The following ADAMTSL1 variants were observed in gnomAD, a reference collection of about 807,000 sequenced individuals.
ADAMTSL1 encodes the protein ADAMTS like 1.
Under a neutral mutation model 201.8 loss-of-function variants are expected in ADAMTSL1, and 126 were observed. That is an observed-to-expected ratio of 0.62 (90% CI 0.54 to 0.72). The LOEUF is 0.72. Among genes scored for constraint, ADAMTSL1 ranks in the 30% least tolerant of loss-of-function variants. ADAMTSL1 has a pLI of 0.00. For synonymous variants in ADAMTSL1, 1,121 were observed against 903.4 expected (o/e 1.24, Z -4.32); for missense variants, 2,679 against 2,277.8 (o/e 1.18, Z -3.59).
At chr9:18,678,294 T>A (rs991170543) in intron 10 of ADAMTSL1, among the ~76,000 whole-genome samples, 5 of 152,126 alleles carry the variant, frequency 3.3e-5, no homozygotes, top group African/African-American at 1.2e-4. Context: ...TGTCTTTTTT[T>A]TATTCCAAGC....
chr9:18,139,917 G>C lies in ADAMTSL1; in HGVS notation c.88-23945G>C, dbSNP rs1826325370. 2.0e-5 allele frequency among the ~76,000 whole-genome samples: 3 copies of C among 152,070 alleles called. No individual in the cohort carries two copies. In the South Asian group the frequency reaches 6.2e-4, roughly 32 times the overall value. ...AAGCTCATATCCTCCTCTGTCTCCA[G>C]AGACTGATGAAATTTTTAGGTTCTG... On this transcript the variant is annotated intron_variant, in intron 1 of 29. Transcript: ENST00000680146.
chr9:18,270,014 A>G (rs959335523), intron 2 of ADAMTSL1, among the ~76,000 whole-genome samples: 2 of 152,148 alleles, frequency 1.3e-5, no homozygotes, highest in Non-Finnish European at 1.5e-5. Flanking sequence ...ACTCCTTCCC[A>G]TAATAGGCCA....
At chr9:18,681,714 G>GGGGGGGA (rs1564146020) in intron 11 of ADAMTSL1, 98 bp from the exon 12 acceptor site, 7 of 884,488 alleles carry the variant, frequency 7.9e-6, no homozygotes, top group African/African-American at 3.3e-5. Flanking sequence ...GGGGGGCGGG[G>GGGGGGGA]AAAAAGAAAA....
Position 18,326,134 on chromosome 9 carries a change from C to A in ADAMTSL1, c.207+162153C>A, listed in dbSNP as rs1027197597. On this transcript the variant is annotated intron_variant, in intron 2 of 29. Coordinates refer to the ADAMTSL1 transcript ENST00000680146. The stretch of plus-strand genomic sequence containing the variant: ...CCTCTTAATGCTGTCATAGTAGGAA[C>A]AACTGAATTTTGGAGAGGATCAAGT... Among the ~76,000 whole-genome samples the A allele has an allele frequency of 3.3e-5, 5 of 152,152 alleles. No individual in the cohort carries two copies. The East Asian group carries it at 9.6e-4, about 29-fold the overall frequency.
At chr9:18,875,430 C>G (rs974009682) in intron 23 of ADAMTSL1, among the ~76,000 whole-genome samples, 2 of 152,098 alleles carry the variant, frequency 1.3e-5, no homozygotes, top group African/African-American at 4.8e-5. Context: ...TGCTGTATCA[C>G]AGAGGTTTTG....
At chr9:18,718,552 A>C (rs896081182) in intron 14 of ADAMTSL1, 1 of 487,644 alleles carries the variant, frequency 2.1e-6, no homozygotes, top group Non-Finnish European at 4.1e-6. Flanking sequence ...GAAACCTAGT[A>C]CCTCTCACGC....
rs534358899 is a variant in ADAMTSL1, at chr9:18,592,311, G to T, written c.474+18045G>T. Among the ~76,000 whole-genome samples, 82 of 152,142 alleles carry T rather than the reference G, an allele frequency of 5.4e-4. 2 individuals are homozygous for T. The South Asian group carries it at 0.016, about 29-fold the overall frequency. On this transcript the variant is annotated intron_variant, in intron 4 of 28. Coordinates refer to ENST00000380548, the MANE Select transcript of ADAMTSL1 (RefSeq NM_001040272.6). ...ACACATCACAATCCAATCAAGAAAT[G>T]GTTCCTTGTTGTCGCACAGAATAAG... is the stretch of plus-strand genomic sequence containing the variant.
At chr9:18,388,379 T>G (rs1385427013) in intron 2 of ADAMTSL1, among the ~76,000 whole-genome samples, 1 of 152,096 alleles carries the variant, frequency 6.6e-6, no homozygotes, top group Non-Finnish European at 1.5e-5. Context: ...GTTCAAGCAA[T>G]TCTTCCACCT....
chr9:18,186,199 T>A (rs1587261920), intron 2 of ADAMTSL1, among the ~76,000 whole-genome samples: 1 of 152,192 alleles, frequency 6.6e-6, no homozygotes, highest in East Asian at 1.9e-4. Flanking sequence ...GACCATAGGC[T>A]GGTTTTTCCT....
intron 2 of ADAMTSL1, among the ~76,000 whole-genome samples, chr9:18,289,679 G>A (rs952386840): frequency 6.6e-5 from 10 of 152,194 alleles, no homozygotes; most frequent in African/African-American, 2.4e-4. Context: ...TCATGTTGAG[G>A]AGGAAAGGAT....
intron 2 of ADAMTSL1, among the ~76,000 whole-genome samples, chr9:18,236,051 C>T (rs1470675821): frequency 6.6e-6 from 1 of 152,070 alleles, no homozygotes; most frequent in Non-Finnish European, 1.5e-5. Flanking sequence ...TTTGAAGACC[C>T]ATAATGATTG....
chr9:18,283,470 A>C (rs1246779801), intron 2 of ADAMTSL1, among the ~76,000 whole-genome samples: 1 of 151,726 alleles, frequency 6.6e-6, no homozygotes, highest in Non-Finnish European at 1.5e-5. Flanking sequence ...ACTGAGTATG[A>C]TGGTACACAC....
intron 23 of ADAMTSL1, among the ~76,000 whole-genome samples, chr9:18,850,049 A>T (rs1245972753): frequency 1.3e-5 from 2 of 152,256 alleles, no homozygotes; most frequent in African/African-American, 4.8e-5. Flanking sequence ...GACACTTAAA[A>T]TAGTTGGACA....
At chr9:18,242,766 A>T (rs1033991139) in intron 2 of ADAMTSL1, among the ~76,000 whole-genome samples, 7 of 152,136 alleles carry the variant, frequency 4.6e-5, no homozygotes, top group Non-Finnish European at 7.4e-5. Context: ...ATAGTTTTTT[A>T]AAAAATTAGG....
At chr9:18,812,034 T>C (rs1823537568) in intron 20 of ADAMTSL1, among the ~76,000 whole-genome samples, 1 of 152,202 alleles carries the variant, frequency 6.6e-6, no homozygotes, top group South Asian at 2.1e-4. Flanking sequence ...TCTTTCCTAA[T>C]ATACATGTTT....
chr9:18,125,202 C>T (rs550213677), intron 1 of ADAMTSL1, among the ~76,000 whole-genome samples: 11 of 152,106 alleles, frequency 7.2e-5, no homozygotes, highest in African/African-American at 1.9e-4. Context: ...AGGAGCAAGT[C>T]GCCTCTTACA....
chr9:18,476,856 T>G (rs1458789662), intron 1 of ADAMTSL1, among the ~76,000 whole-genome samples: 4 of 152,166 alleles, frequency 2.6e-5, no homozygotes, highest in Admixed American at 2.0e-4. Flanking sequence ...ATCTGTATCA[T>G]GACTAGGTTC....
At chr9:18,261,073 A>T (rs1831903400) in intron 2 of ADAMTSL1, among the ~76,000 whole-genome samples, 1 of 90,888 alleles carries the variant, frequency 1.1e-5, no homozygotes, top group Non-Finnish European at 2.0e-5. Flanking sequence ...AAATGGGGGA[A>T]AGTGTGGGGC....
At chr9:18,054,254 T>A (rs566179495) in intron 1 of ADAMTSL1, among the ~76,000 whole-genome samples, 17 of 152,314 alleles carry the variant, frequency 1.1e-4, no homozygotes, top group African/African-American at 4.1e-4. Context: ...AAGAATAAAT[T>A]TACACGCAAC....
Sources: allele counts gnomAD v4.1 joint callset (sites outside exome capture counted in the v4.1 genomes callset), GRCh38; gene constraint gnomAD v4.1.1; transcripts MANE v1.5; gene names NCBI Gene and HGNC (gene_info 2026-07-23, HGNC 2026-07-21).